Variants in PIK3R1 observed in about 807,000 individuals in gnomAD.
PIK3R1 encodes the protein phosphoinositide-3-kinase regulatory subunit 1.
PIK3R1 carries 29 observed loss-of-function variants against 98.0 expected under a neutral mutation model. The ratio of observed to expected loss-of-function variants is 0.30; its 90% CI spans 0.22 to 0.40. PIK3R1 has a LOEUF of 0.40. Among genes scored for constraint, PIK3R1 ranks in the 10% least tolerant of loss-of-function variants. PIK3R1 has a pLI of 1.00. For synonymous variants in PIK3R1, 282 were observed against 311.8 expected (o/e 0.90, Z 1.01); for missense variants, 596 against 872.7 (o/e 0.68, Z 3.99).
chr5:68,247,065 G>T (rs761554469), intron 2 of PIK3R1, among the ~76,000 whole-genome samples: 3 of 152,210 alleles, frequency 2.0e-5, no homozygotes, highest in Non-Finnish European at 2.9e-5. Context: ...GTAGTTAGTA[G>T]TGTGATCGAA....
rs1295943886 is a variant in PIK3R1 at position 68,301,366 on chromosome 5, ATGTGTGTG to A, written c.*3785_*3792del. The stretch of plus-strand genomic sequence containing the variant: ...GCTATATATATATATATATATATAT[ATGTGTGTG>A]TGTGTGTGTGTGTGTGTGTATATAT... On this transcript the variant is annotated 3_prime_UTR_variant, in exon 16 of 16. Coordinates refer to ENST00000521381, the MANE Select transcript of PIK3R1 (RefSeq NM_181523.3). The A allele has an allele frequency of 0.056, 3,518 of 62,366 alleles. 149 individuals are homozygous for A. Among genetic ancestry groups the A allele is most frequent in the African/African-American group, 0.066 (925 of 13,998 alleles). The allele number at this position is 62,366 out of a possible 1,614,324, so 3.9% of individuals were successfully genotyped here.
rs71305021 is a variant in PIK3R1 at position 68,289,759 on chromosome 5, C to CAAAAAAA, written c.917-2479_917-2473dup. On this transcript the variant is annotated intron_variant, in intron 7 of 15. Coordinates refer to ENST00000521381, the MANE Select transcript of PIK3R1 (RefSeq NM_181523.3). Reference sequence around the variant, plus strand: ...GGCATTTGAGATAGAGGGGGAAAAGCAAAAAAAAAAAAAAAAAAAAAAAAA... The same window carrying CAAAAAAA: ...GGCATTTGAGATAGAGGGGGAAAAGCAAAAAAAAAAAAAAAAAAAAAAAAAAAAAAAA... Among the ~76,000 whole-genome samples, 190 of 51,880 alleles carry CAAAAAAA rather than the reference C, an allele frequency of 3.7e-3. 29 individuals carry two copies. The highest frequency in any genetic ancestry group is 4.9e-3 in the Non-Finnish European group (129 of 26,484). 34.0% of individuals were successfully genotyped at this position (51,880 alleles called of 152,430 possible).
Position 68,293,728 on chromosome 5 carries a change from A to T in PIK3R1, c.1319A>T (p.Asp440Val), listed in dbSNP as rs3730091. ...TTCTAGGATCAAGTTGTCAAAGAAG[A>T]TAATATTGAAGCTGTAGGGAAAAAA... ...KYQQDQVVKEDNIEAVGKKLH... is the reference protein window; with the variant it reads ...KYQQDQVVKEVNIEAVGKKLH... Residue 440 changes from aspartate to valine, a missense_variant, in exon 11 of 16, where the codon GAT becomes GTT. Transcript: ENST00000521381. The T allele has an allele frequency of 6.8e-7, 1 of 1,476,492 alleles. No homozygotes were observed. Among genetic ancestry groups the T allele is most frequent in the Non-Finnish European group, 9.3e-7 (1 of 1,069,570 alleles). 91.5% of individuals were successfully genotyped at this position (1,476,492 alleles called of 1,614,324 possible).
chr5:68,288,761 C>T (rs1747215468), intron 7 of PIK3R1: 2 of 1,613,190 alleles, frequency 1.2e-6, no homozygotes, highest in Non-Finnish European at 8.5e-7. Context: ...AGTAAGTTGC[C>T]TTGAATTTGT....
At chr5:68,261,655 C>T (rs1204290588) in intron 2 of PIK3R1, among the ~76,000 whole-genome samples, 1 of 152,080 alleles carries the variant, frequency 6.6e-6, no homozygotes, top group Non-Finnish European at 1.5e-5. Context: ...CAGGGGGAAA[C>T]CTGAAACAGC....
At chr5:68,293,937 G>A (rs990664464) in intron 11 of PIK3R1, 103 bp downstream of exon 11, 2 of 859,526 alleles carry the variant, frequency 2.3e-6, no homozygotes, top group Non-Finnish European at 3.6e-6. Context: ...CGAATGAGGT[G>A]GGGGTGAGAG....
chr5:68,256,385 A>G (rs1745515256), intron 2 of PIK3R1, among the ~76,000 whole-genome samples: 1 of 152,050 alleles, frequency 6.6e-6, no homozygotes, highest in Admixed American at 6.5e-5. Flanking sequence ...GCCCGCCACC[A>G]CGCCCAGCTA....
intron 2 of PIK3R1, among the ~76,000 whole-genome samples, chr5:68,262,811 A>ACACATATACATGTAGATG (rs1745880994): frequency 4.0e-5 from 3 of 74,808 alleles, no homozygotes; most frequent in Non-Finnish European, 8.5e-5. Context: ...ATACATGTAT[A>ACACATATACATGTAGATG]CATGTAGATA....
At position 68,240,010 on chromosome 5, in the gene PIK3R1, A is replaced by C. The variant is rs144024528; in HGVS notation, c.334+13001A>C. The C allele has an allele frequency of 9.9e-4, 469 of 473,716 alleles. 3 individuals are homozygous for C. The highest frequency in any genetic ancestry group is 8.7e-3 in the African/African-American group (440 of 50,796). The allele number at this position is 473,716 out of a possible 1,614,324, so 29.3% of individuals were successfully genotyped here. The stretch of plus-strand genomic sequence containing the variant: ...GTGGCTCTTAACTGGCTAAAATTTT[A>C]ACTTTCAGTGTAGCCCTCACTTGGC... On this transcript the variant is annotated intron_variant, in intron 2 of 15. Coordinates refer to ENST00000521381, the MANE Select transcript of PIK3R1 (RefSeq NM_181523.3).
intron 4 of PIK3R1, among the ~76,000 whole-genome samples, chr5:68,279,129 C>G (rs929057411): frequency 1.3e-5 from 2 of 152,104 alleles, no homozygotes; most frequent in African/African-American, 4.8e-5. Context: ...ATTTCCCCTC[C>G]TAGAAGGATA....
At chr5:68,294,065 A>AGT (rs1480675156) in intron 11 of PIK3R1, among the ~76,000 whole-genome samples, 1 of 152,244 alleles carries the variant, frequency 6.6e-6, no homozygotes, top group Non-Finnish European at 1.5e-5. Flanking sequence ...GCAGTCACTG[A>AGT]GTTTCAAGTT....
At chr5:68,292,530 G>T in intron 8 of PIK3R1, 169 bp downstream of exon 8, 1 of 1,520,324 alleles carries the variant, frequency 6.6e-7, no homozygotes, top group Non-Finnish European at 8.8e-7. Flanking sequence ...AACTGTGGGT[G>T]CTGGATGCCA....
At chr5:68,237,864 C>T (rs1744724636) in intron 2 of PIK3R1, among the ~76,000 whole-genome samples, 1 of 152,184 alleles carries the variant, frequency 6.6e-6, no homozygotes, top group South Asian at 2.1e-4. Flanking sequence ...TCTTCCCTAA[C>T]TCTGTCCATA....
chr5:68,235,589 T>G (rs1264670116), intron 2 of PIK3R1, among the ~76,000 whole-genome samples: 2 of 152,170 alleles, frequency 1.3e-5, no homozygotes, highest in African/African-American at 2.4e-5. Context: ...ACATTGTTAA[T>G]TAAATCTCAC....
In PIK3R1 at chr5:68,248,250, G is replaced by A. The variant is rs1484077893; in HGVS notation, c.334+21241G>A. Among the ~76,000 whole-genome samples, 4 of 152,190 alleles carry A rather than the reference G, an allele frequency of 2.6e-5. No homozygotes were observed. The East Asian group carries it at 7.7e-4, about 29-fold the overall frequency. ...ATCTGCCTCGGCCTCCGAGAGTGCTGGGATTACAGGCATGAGCCACCATGC... is the reference window on the plus strand; with the variant it reads ...ATCTGCCTCGGCCTCCGAGAGTGCTAGGATTACAGGCATGAGCCACCATGC... On this transcript the variant is annotated intron_variant, in intron 2 of 15. Coordinates refer to ENST00000521381, the MANE Select transcript of PIK3R1 (RefSeq NM_181523.3).
chr5:68,295,400 TTTTC>T lies in PIK3R1; in HGVS notation c.1746-19_1746-16del. 6.2e-7 allele frequency: 1 copy of T among 1,614,148 alleles called. No individual in the cohort carries two copies. The highest frequency in any genetic ancestry group is 8.5e-7 in the Non-Finnish European group (1 of 1,179,964). On this transcript the variant is annotated splice_polypyrimidine_tract_variant and intron_variant, in intron 13 of 15. Coordinates refer to ENST00000521381, the MANE Select transcript of PIK3R1 (RefSeq NM_181523.3). The stretch of plus-strand genomic sequence containing the variant: ...ATTCAGGATGAGTTAATGCGTTCTC[TTTTC>T]AAAACTGTTTTTCAGGTGGTTGACT...
intron 2 of PIK3R1, among the ~76,000 whole-genome samples, chr5:68,231,235 C>T (rs768321425): frequency 3.3e-5 from 5 of 152,064 alleles, no homozygotes; most frequent in Admixed American, 2.6e-4. Flanking sequence ...GAGTCTGTGC[C>T]CATGTTAGTT....
chr5:68,241,167 A>C (rs1396051397), intron 2 of PIK3R1, among the ~76,000 whole-genome samples: 1 of 152,202 alleles, frequency 6.6e-6, no homozygotes, highest in Non-Finnish European at 1.5e-5. Flanking sequence ...GTAACTATTA[A>C]TAATACTGAT....
At chr5:68,297,356 A>G (rs574420810) in intron 15 of PIK3R1, 56 bp from the exon 16 acceptor site, 13 of 1,350,042 alleles carry the variant, frequency 9.6e-6, no homozygotes, top group Non-Finnish European at 1.3e-5. Context: ...TGCCCTGAAG[A>G]GTTGTGAATT....
Sources: gnomAD v4.1 joint callset for allele counts (sites outside exome capture counted in the v4.1 genomes callset) on GRCh38, gnomAD v4.1.1 for gene constraint, MANE v1.5 for transcripts, NCBI Gene and HGNC (gene_info 2026-07-23, HGNC 2026-07-21) for gene names.